The following GRM7 variants were observed in gnomAD, a reference collection of about 807,000 sequenced individuals.
The protein encoded by GRM7 is glutamate metabotropic receptor 7.
A neutral mutation model predicts 84.5 loss-of-function variants in GRM7; 35 were observed. The ratio of observed to expected loss-of-function variants is 0.41; its 90% CI spans 0.32 to 0.55. GRM7 has a LOEUF of 0.55. GRM7 is among the 20% of genes least tolerant of loss of function. The probability of loss-of-function intolerance (pLI) is 0.19; values close to 1 mark genes in which losing one functional copy is unlikely to be tolerated. For missense variants in GRM7, 1,003 were observed against 1,194.6 expected (o/e 0.84, Z 2.36); for synonymous variants, 487 against 455.1 (o/e 1.07, Z -0.89).
At chr3:7,045,893 C>T (rs1029104082) in intron 1 of GRM7, among the ~76,000 whole-genome samples, 2 of 152,042 alleles carry the variant, frequency 1.3e-5, no homozygotes, top group African/African-American at 4.8e-5. Context: ...TGGATATATA[C>T]CCAGAAGTGG....
chr3:7,120,121 A>G (rs1028589126), intron 1 of GRM7, among the ~76,000 whole-genome samples: 5 of 152,108 alleles, frequency 3.3e-5, no homozygotes, highest in African/African-American at 1.2e-4. Context: ...ATTTGTCTTC[A>G]GGAGGAAAAT....
chr3:7,229,820 G>A (rs1289196017), intron 2 of GRM7, among the ~76,000 whole-genome samples: 2 of 125,076 alleles, frequency 1.6e-5, no homozygotes, highest in African/African-American at 6.1e-5. Context: ...GACTTTATGG[G>A]TCAGCAATCT....
intron 1 of GRM7, among the ~76,000 whole-genome samples, chr3:7,146,069 A>G (rs955689438): frequency 2.6e-5 from 4 of 152,180 alleles, no homozygotes; most frequent in African/African-American, 9.7e-5. Flanking sequence ...ACCAATCTTT[A>G]TATACACTCC....
intron 7 of GRM7, among the ~76,000 whole-genome samples, chr3:7,472,467 G>A (rs375097621): frequency 2.6e-5 from 4 of 152,288 alleles, no homozygotes; most frequent in East Asian, 3.9e-4. Flanking sequence ...TAGATTCAAC[G>A]ATAAACATAT....
intron 2 of GRM7, among the ~76,000 whole-genome samples, chr3:7,160,013 G>A (rs1193739933): frequency 1.3e-5 from 2 of 152,122 alleles, no homozygotes; most frequent in Non-Finnish European, 2.9e-5. Context: ...CTAAAGGTCA[G>A]GTGCCCAGCT....
chr3:7,202,167 T>C (rs929205237), intron 2 of GRM7, among the ~76,000 whole-genome samples: 1 of 152,186 alleles, frequency 6.6e-6, no homozygotes, highest in Admixed American at 6.5e-5. Flanking sequence ...TTATCTGGTT[T>C]TCTTTTCCAT....
At chr3:7,452,530 A>T in intron 5 of GRM7, 77 bp from the exon 6 acceptor site, 1 of 983,344 alleles carries the variant, frequency 1.0e-6, no homozygotes, top group Non-Finnish European at 1.6e-6. Flanking sequence ...GTTTACTTTT[A>T]AATTTGGACA....
At position 7,037,114 on chromosome 3, in the gene GRM7, G is replaced by T. The variant is rs560216502; in HGVS notation, c.520-109338G>T. Among the ~76,000 whole-genome samples, 185 of 152,238 alleles carry T rather than the reference G, an allele frequency of 1.2e-3. 1 individual carries two copies. The highest frequency in any genetic ancestry group is 3.4e-3 in the Middle Eastern group (1 of 294). On this transcript the variant is annotated intron_variant, in intron 1 of 9. Coordinates refer to ENST00000357716, the MANE Select transcript of GRM7 (RefSeq NM_000844.4). ...ACCTTTGGCCTTCGGTGAATTTTTA[G>T]AAATATTTAAACAGCTGTATGAGGT...
At chr3:7,279,291 A>C (rs557726388) in intron 2 of GRM7, among the ~76,000 whole-genome samples, 1 of 152,184 alleles carries the variant, frequency 6.6e-6, no homozygotes, top group African/African-American at 2.4e-5. Context: ...GGGGTAGAGT[A>C]ATTTTGGCAT....
chr3:7,273,483 C>A (rs571738006), intron 2 of GRM7, among the ~76,000 whole-genome samples: 37 of 152,148 alleles, frequency 2.4e-4, no homozygotes, highest in African/African-American at 8.2e-4. Flanking sequence ...TGGGAATTTA[C>A]CTATCTCTAC....
At chr3:7,031,665 AT>A (rs918296209) in intron 1 of GRM7, among the ~76,000 whole-genome samples, 1 of 151,766 alleles carries the variant, frequency 6.6e-6, no homozygotes, top group Non-Finnish European at 1.5e-5. Flanking sequence ...CTCCAGATAC[AT>A]TTTTTTTATT....
intron 8 of GRM7, among the ~76,000 whole-genome samples, chr3:7,626,867 G>T (rs1697638413): frequency 6.6e-6 from 1 of 150,784 alleles, no homozygotes; most frequent in South Asian, 2.1e-4. Context: ...GTCATGTCAA[G>T]ACCGAACATT....
At chr3:7,047,881 G>C (rs10510343) in intron 1 of GRM7, among the ~76,000 whole-genome samples, 1 of 151,912 alleles carries the variant, frequency 6.6e-6, no homozygotes, top group Non-Finnish European at 1.5e-5. Context: ...GAAAATTACC[G>C]TGAGACCTCA....
At chr3:7,099,312 T>C (rs962153790) in intron 1 of GRM7, among the ~76,000 whole-genome samples, 7 of 141,934 alleles carry the variant, frequency 4.9e-5, no homozygotes, top group Non-Finnish European at 9.0e-5. Context: ...ACACATGTAT[T>C]ATACATGTAT....
At chr3:7,712,114 C>T (rs1012406806) in intron 9 of GRM7, among the ~76,000 whole-genome samples, 12 of 152,152 alleles carry the variant, frequency 7.9e-5, no homozygotes, top group Admixed American at 7.9e-4. Flanking sequence ...GTTCCCCGTG[C>T]CAGCGGCAGT....
intron 2 of GRM7, among the ~76,000 whole-genome samples, chr3:7,294,020 G>C (rs1417869531): frequency 2.0e-5 from 3 of 152,108 alleles, no homozygotes; most frequent in Admixed American, 1.3e-4. Flanking sequence ...TTTATGAACA[G>C]GTTTATCCCC....
intron 5 of GRM7, among the ~76,000 whole-genome samples, chr3:7,445,784 G>A (rs759139809): frequency 3.9e-5 from 6 of 152,128 alleles, no homozygotes; most frequent in Non-Finnish European, 7.4e-5. Context: ...ATACCCTTGA[G>A]GGGGAACAAT....
chr3:7,010,181 T>C (rs1695323188), intron 1 of GRM7, among the ~76,000 whole-genome samples: 1 of 152,168 alleles, frequency 6.6e-6, no homozygotes, highest in Non-Finnish European at 1.5e-5. Flanking sequence ...ACGGGCATGG[T>C]GCCTTACGCC....
intron 2 of GRM7, among the ~76,000 whole-genome samples, chr3:7,240,428 A>G (rs915639286): frequency 6.6e-6 from 1 of 151,964 alleles, no homozygotes; most frequent in Non-Finnish European, 1.5e-5. Flanking sequence ...CAAATGACTT[A>G]CGGTTTGTGA....
Sources: allele counts gnomAD v4.1 joint callset (sites outside exome capture counted in the v4.1 genomes callset), GRCh38; gene constraint gnomAD v4.1.1; transcripts MANE v1.5; gene names NCBI Gene and HGNC (gene_info 2026-07-23, HGNC 2026-07-21).